The following ROBO2 variants were observed in gnomAD, a reference collection of about 807,000 sequenced individuals.
The protein encoded by ROBO2 is roundabout homolog 2.
Under a neutral mutation model 160.8 loss-of-function variants are expected in ROBO2, and 53 were observed. That is an observed-to-expected ratio of 0.33 (90% confidence interval 0.26 to 0.41). The LOEUF (loss-of-function observed/expected upper bound fraction) is 0.41. ROBO2 is among the 10% of genes least tolerant of loss of function. ROBO2 has a pLI of 1.00. For synonymous variants in ROBO2, 664 were observed against 611.7 expected, an observed-to-expected ratio of 1.09 and a Z score of -1.26; for missense variants, 1,577 against 1,722.4, an observed-to-expected ratio of 0.92 and a Z score of 1.49.
At chr3:75,916,158 A>G (rs1946800650) in intron 1 of ROBO2, among the ~76,000 whole-genome samples, 1 of 152,174 alleles carries the variant, frequency 6.6e-6, no homozygotes, top group Non-Finnish European at 1.5e-5. Flanking sequence ...ATATTTGGTA[A>G]TGGTGATTGA....
At chr3:76,514,760 TCTC>T (rs1357291885) in intron 2 of ROBO2, among the ~76,000 whole-genome samples, 1 of 152,200 alleles carries the variant, frequency 6.6e-6, no homozygotes, top group African/African-American at 2.4e-5. Flanking sequence ...CAGTGCCTAT[TCTC>T]CTTCATGAAG....
intron 2 of ROBO2, among the ~76,000 whole-genome samples, chr3:76,781,291 A>T (rs1302721242): frequency 6.6e-6 from 1 of 150,658 alleles, no homozygotes; most frequent in Non-Finnish European, 1.5e-5. Flanking sequence ...AAATTGATTA[A>T]TTCTCATTTA....
chr3:76,070,782 C>T (rs2068429074), intron 2 of ROBO2, among the ~76,000 whole-genome samples: 2 of 152,160 alleles, frequency 1.3e-5, no homozygotes, highest in South Asian at 4.2e-4. Context: ...ATACTCTGTC[C>T]CTTTATTTCT....
intron 2 of ROBO2, among the ~76,000 whole-genome samples, chr3:76,334,001 G>T (rs1202729659): frequency 6.6e-6 from 1 of 152,124 alleles, no homozygotes; most frequent in African/African-American, 2.4e-5. Context: ...GTGGGGTGAG[G>T]GGAGCAGGAA....
intron 2 of ROBO2, among the ~76,000 whole-genome samples, chr3:77,456,984 T>C (rs980420880): frequency 6.6e-6 from 1 of 152,198 alleles, no homozygotes; most frequent in South Asian, 2.1e-4. Context: ...AAAGGATTAT[T>C]TGTTGCTTTT....
At chr3:77,244,646 G>A (rs771567999) in intron 2 of ROBO2, among the ~76,000 whole-genome samples, 35 of 152,084 alleles carry the variant, frequency 2.3e-4, no homozygotes, top group Admixed American at 1.2e-3. Context: ...TTGGGAGGCC[G>A]AGGTGGGAGG....
intron 2 of ROBO2, among the ~76,000 whole-genome samples, chr3:76,951,840 C>T (rs1388615290): frequency 6.6e-6 from 1 of 152,216 alleles, no homozygotes; most frequent in African/African-American, 2.4e-5. Flanking sequence ...ACTGCTATAT[C>T]TTCAGAGCTT....
chr3:76,907,072 C>T (rs922278965), intron 2 of ROBO2, among the ~76,000 whole-genome samples: 2 of 151,972 alleles, frequency 1.3e-5, no homozygotes, highest in Admixed American at 1.3e-4. Context: ...TACTCTATCC[C>T]CAAGTGTCTA....
intron 2 of ROBO2, among the ~76,000 whole-genome samples, chr3:76,808,552 G>A (rs2064920206): frequency 1.3e-5 from 2 of 152,080 alleles, no homozygotes; most frequent in South Asian, 4.1e-4. Context: ...TGGTATATAA[G>A]AGCCCGTCTT....
intron 3 of ROBO2, 36 bp from the exon 4 acceptor site, chr3:77,481,063 C>T: frequency 6.4e-7 from 1 of 1,553,194 alleles, no homozygotes; most frequent in Non-Finnish European, 8.9e-7. Flanking sequence ...GTTCCTTTTT[C>T]TTCCCTTCTC....
intron 2 of ROBO2, among the ~76,000 whole-genome samples, chr3:76,190,054 T>C (rs973046378): frequency 6.6e-6 from 1 of 152,100 alleles, no homozygotes; most frequent in African/African-American, 2.4e-5. Context: ...TGTTAAAAAA[T>C]GCTATTTTCT....
intron 2 of ROBO2, among the ~76,000 whole-genome samples, chr3:76,199,666 A>G (rs1346176851): frequency 6.6e-6 from 1 of 152,160 alleles, no homozygotes; most frequent in East Asian, 1.9e-4. Flanking sequence ...CAAGCTATTC[A>G]GCAGTTGGCC....
At chr3:77,505,361 G>A (rs906264198) in intron 5 of ROBO2, among the ~76,000 whole-genome samples, 10 of 151,082 alleles carry the variant, frequency 6.6e-5, no homozygotes, top group Admixed American at 1.3e-4. Flanking sequence ...GCAAATAATT[G>A]TATGTCAGAG....
chr3:76,726,354 C>T (rs1319540796), intron 2 of ROBO2, among the ~76,000 whole-genome samples: 1 of 152,058 alleles, frequency 6.6e-6, no homozygotes, highest in Admixed American at 6.6e-5. Context: ...AAAAATTAGG[C>T]TATGATTTTT....
At chr3:77,122,661 G>A (rs987408971) in intron 2 of ROBO2, among the ~76,000 whole-genome samples, 1 of 152,130 alleles carries the variant, frequency 6.6e-6, no homozygotes, top group Non-Finnish European at 1.5e-5. Flanking sequence ...TTTTTTTAAA[G>A]GGATGACAAC....
chr3:76,274,361 A>G (rs1707793072), intron 2 of ROBO2, among the ~76,000 whole-genome samples: 1 of 152,020 alleles, frequency 6.6e-6, no homozygotes, highest in African/African-American at 2.4e-5. Flanking sequence ...AAAAAAAAAA[A>G]GAATTTTCAG....
intron 2 of ROBO2, among the ~76,000 whole-genome samples, chr3:76,160,759 C>G (rs908425614): frequency 2.0e-4 from 30 of 152,162 alleles, no homozygotes; most frequent in African/African-American, 7.2e-4. Context: ...ATCCTGAGTG[C>G]CTCAAGCTAC....
At chr3:76,884,712 T>G (rs946750107) in intron 2 of ROBO2, among the ~76,000 whole-genome samples, 1 of 152,200 alleles carries the variant, frequency 6.6e-6, no homozygotes, top group Non-Finnish European at 1.5e-5. Flanking sequence ...CCCAATACTT[T>G]CCTATTAGAT....
chr3:77,649,781 T>C (rs939070655), exon 26 of ROBO2: 15 of 152,188 alleles, frequency 9.9e-5, no homozygotes, highest in African/African-American at 3.6e-4. Flanking sequence ...TACTTTGTTT[T>C]ATAGATGGAT....
Sources: gnomAD v4.1 joint callset for allele counts (sites outside exome capture counted in the v4.1 genomes callset) on GRCh38, gnomAD v4.1.1 for gene constraint, MANE v1.5 for transcripts, NCBI Gene and HGNC (gene_info 2026-07-23, HGNC 2026-07-21) for gene names.